Variants in VEGFC observed in about 807,000 individuals in gnomAD.
The protein encoded by VEGFC is vascular endothelial growth factor C.
A neutral mutation model predicts 46.1 loss-of-function variants in VEGFC; 12 were observed. That is an observed-to-expected ratio of 0.26 (90% confidence interval 0.17 to 0.42). VEGFC has a LOEUF of 0.42. VEGFC is among the 10% of genes least tolerant of loss of function. VEGFC has a pLI of 1.00. For synonymous variants in VEGFC, 232 were observed against 195.5 expected, an observed-to-expected ratio of 1.19 and a Z score of -1.56; for missense variants, 488 against 529.4, an observed-to-expected ratio of 0.92 and a Z score of 0.77.
At chr4:176,684,973 C>T (rs1214161238) in intron 6 of VEGFC, among the ~76,000 whole-genome samples, 2 of 152,140 alleles carry the variant, frequency 1.3e-5, no homozygotes, top group Non-Finnish European at 2.9e-5. Context: ...GTGATCTGCC[C>T]GCCTTGGCCT....
intron 1 of VEGFC, among the ~76,000 whole-genome samples, chr4:176,745,416 G>A (rs1169289961): frequency 5.9e-5 from 9 of 152,012 alleles, no homozygotes; most frequent in Admixed American, 2.6e-4. Flanking sequence ...ACTGTGCTGC[G>A]TGTTCCACCT....
chr4:176,741,875 CCTTCTT>C (rs763361399), intron 1 of VEGFC, among the ~76,000 whole-genome samples: 1 of 151,840 alleles, frequency 6.6e-6, no homozygotes, highest in Non-Finnish European at 1.5e-5. Context: ...TTCTCCTCCT[CCTTCTT>C]CATGTATTTA....
chr4:176,781,556 G>A (rs1735916355), intron 1 of VEGFC, among the ~76,000 whole-genome samples: 1 of 152,160 alleles, frequency 6.6e-6, no homozygotes, highest in Non-Finnish European at 1.5e-5. Flanking sequence ...TGGAGTGAGT[G>A]GAAATAACAA....
intron 3 of VEGFC, among the ~76,000 whole-genome samples, chr4:176,721,019 C>T (rs1457322981): frequency 1.3e-5 from 2 of 151,924 alleles, no homozygotes. Flanking sequence ...CTAGATACAT[C>T]GAGATACGGG....
Position 176,786,626 on chromosome 4 carries a change from T to A in VEGFC, c.147+5539A>T, listed in dbSNP as rs548841857. On this transcript the variant is annotated intron_variant, in intron 1 of 6. Coordinates refer to ENST00000618562, the MANE Select transcript of VEGFC (RefSeq NM_005429.5). Reference sequence around the variant, plus strand: ...AGTATTTTTAATGAGTAAATTTATTTTCTCCAAAATGATTATAAGCTTGTT... The same window carrying A: ...AGTATTTTTAATGAGTAAATTTATTATCTCCAAAATGATTATAAGCTTGTT... 2.4e-4 allele frequency among the ~76,000 whole-genome samples: 36 copies of A among 152,310 alleles called. No homozygotes were observed. The South Asian group carries it at 7.0e-3, about 30-fold the overall frequency.
intron 1 of VEGFC, among the ~76,000 whole-genome samples, chr4:176,739,069 T>A (rs1452708324): frequency 6.6e-6 from 1 of 151,710 alleles, no homozygotes; most frequent in Non-Finnish European, 1.5e-5. Flanking sequence ...ATATCACTGA[T>A]CATTAGAGAA....
chr4:176,747,033 C>T (rs954003551), intron 1 of VEGFC, among the ~76,000 whole-genome samples: 2 of 152,118 alleles, frequency 1.3e-5, no homozygotes, highest in African/African-American at 4.8e-5. Context: ...CATAGCAATG[C>T]ATAATGAATA....
intron 1 of VEGFC, among the ~76,000 whole-genome samples, chr4:176,777,490 G>C (rs1195710038): frequency 1.3e-5 from 2 of 152,072 alleles, no homozygotes; most frequent in African/African-American, 2.4e-5. Flanking sequence ...GAATCTTATA[G>C]AATTGGAATT....
chr4:176,741,969 T>C (rs1735183574), intron 1 of VEGFC, among the ~76,000 whole-genome samples: 1 of 151,940 alleles, frequency 6.6e-6, no homozygotes, highest in African/African-American at 2.4e-5. Flanking sequence ...TGTTTTTTGT[T>C]TGCTTGTTAA....
chr4:176,721,318 C>T (rs575492971), intron 3 of VEGFC, among the ~76,000 whole-genome samples: 2 of 152,232 alleles, frequency 1.3e-5, no homozygotes, highest in African/African-American at 4.8e-5. Context: ...CCTAAGCAAC[C>T]CAATTAGAAA....
intron 1 of VEGFC, among the ~76,000 whole-genome samples, chr4:176,732,199 A>C (rs979619563): frequency 6.6e-6 from 1 of 151,962 alleles, no homozygotes; most frequent in Non-Finnish European, 1.5e-5. Context: ...GCTTCAATAG[A>C]AAGATGGACA....
intron 4 of VEGFC, among the ~76,000 whole-genome samples, chr4:176,706,496 G>A (rs1252029308): frequency 4.6e-5 from 7 of 151,468 alleles, no homozygotes; most frequent in South Asian, 2.1e-4. Context: ...GCATGGTGGC[G>A]GGCAACTGTA....
intron 3 of VEGFC, among the ~76,000 whole-genome samples, chr4:176,717,585 A>G (rs765582533): frequency 1.3e-5 from 2 of 152,110 alleles, no homozygotes; most frequent in African/African-American, 2.4e-5. Flanking sequence ...ATAATTTAGT[A>G]CTAAATTATA....
chr4:176,702,374 G>T, intron 4 of VEGFC, among the ~76,000 whole-genome samples: 1 of 151,212 alleles, frequency 6.6e-6, no homozygotes. Context: ...TTTTCACCAC[G>T]AGGCGACTGT....
intron 1 of VEGFC, among the ~76,000 whole-genome samples, chr4:176,769,489 T>TA (rs1175591948): frequency 6.6e-6 from 1 of 152,152 alleles, no homozygotes; most frequent in Non-Finnish European, 1.5e-5. Flanking sequence ...TTGGAGCTAT[T>TA]TGTTATTTAT....
At chr4:176,762,173 A>T (rs1229072370) in intron 1 of VEGFC, among the ~76,000 whole-genome samples, 1 of 152,154 alleles carries the variant, frequency 6.6e-6, no homozygotes, top group Non-Finnish European at 1.5e-5. Context: ...ATAAAAACTG[A>T]ATCAGTTATT....
At chr4:176,687,964 A>G (rs917325515) in intron 4 of VEGFC, 37 bp from the exon 5 acceptor site, 27 of 1,286,136 alleles carry the variant, frequency 2.1e-5, no homozygotes, top group Non-Finnish European at 3.0e-5. Context: ...CAATGGTGTA[A>G]CTGGTACCTA....
chr4:176,739,593 G>T (rs1258681466), intron 1 of VEGFC, among the ~76,000 whole-genome samples: 1 of 151,750 alleles, frequency 6.6e-6, no homozygotes, highest in East Asian at 2.0e-4. Context: ...GGCCTGTTGT[G>T]GGGGGAGCGT....
chr4:176,708,052 TATC>T (rs1734566426), intron 4 of VEGFC, among the ~76,000 whole-genome samples: 1 of 151,918 alleles, frequency 6.6e-6, no homozygotes, highest in African/African-American at 2.4e-5. Flanking sequence ...AATTAATATT[TATC>T]ATCTATATAA....
Sources: allele counts gnomAD v4.1 joint callset (sites outside exome capture counted in the v4.1 genomes callset), GRCh38; gene constraint gnomAD v4.1.1; transcripts MANE v1.5; gene names NCBI Gene and HGNC (gene_info 2026-07-23, HGNC 2026-07-21).